The following VPS13C variants were observed in gnomAD, a reference collection of about 807,000 sequenced individuals.
VPS13C encodes intermembrane lipid transfer protein VPS13C.
VPS13C carries 358 observed loss-of-function variants against 456.8 expected under a neutral mutation model. The observed-to-expected ratio is 0.78, with a 90% CI of 0.72 to 0.86. The LOEUF is 0.86. Among genes scored for constraint, VPS13C ranks in the 40% least tolerant of loss-of-function variants. The pLI is 0.00. For synonymous variants in VPS13C, 1,578 were observed against 1,486.7 expected (o/e 1.06, Z -1.41); for missense variants, 4,818 against 4,385.4 (o/e 1.10, Z -2.79).
Position 61,907,368 on chromosome 15 carries a change from A to G in VPS13C, c.9001T>C (p.Leu3001=). ...AAAAGTCGAGCCTGTCTTGGCAGCA[A>G]GACCATTTCTTCTGGTGACCCACTA... ...KQSGSPEEMV[L]LPRQARLFAW... is the part of the protein sequence containing the mutation. The change falls in exon 66 of 85, where the codon TTG becomes CTG. Residue 3001 remains leucine (L), a synonymous_variant. Coordinates refer to ENST00000644861, the MANE Select transcript of VPS13C (RefSeq NM_020821.3). The G allele has an allele frequency of 1.2e-6, 2 of 1,613,992 alleles. No homozygotes were observed. The highest frequency in any genetic ancestry group is 1.7e-6 in the Non-Finnish European group (2 of 1,179,864).
chr15:61,925,019 C>T (rs2043798331), intron 53 of VPS13C, among the ~76,000 whole-genome samples: 1 of 152,116 alleles, frequency 6.6e-6, no homozygotes, highest in African/African-American at 2.4e-5. Flanking sequence ...GTACATCTGT[C>T]ATTATAAATA....
intron 23 of VPS13C, among the ~76,000 whole-genome samples, 169 bp downstream of exon 23, chr15:61,978,457 G>A (rs929050846): frequency 6.6e-6 from 1 of 152,128 alleles, no homozygotes; most frequent in African/African-American, 2.4e-5. Flanking sequence ...ATTTATAAAT[G>A]TTGTAGTAAT....
At chr15:61,997,920 T>A (rs2046445779) in intron 16 of VPS13C, among the ~76,000 whole-genome samples, 1 of 152,210 alleles carries the variant, frequency 6.6e-6, no homozygotes, top group African/African-American at 2.4e-5. Flanking sequence ...TCACCCTGTT[T>A]CAAAACCTAC....
At chr15:62,017,121 C>G (rs956056197) in intron 9 of VPS13C, among the ~76,000 whole-genome samples, 1 of 151,384 alleles carries the variant, frequency 6.6e-6, no homozygotes, top group Non-Finnish European at 1.5e-5. Context: ...CCTTCGCACA[C>G]TTGTTGATGG....
chr15:62,044,022 T>C (rs946861045), intron 2 of VPS13C, among the ~76,000 whole-genome samples, 190 bp downstream of exon 2: 44 of 152,302 alleles, frequency 2.9e-4, no homozygotes, highest in African/African-American at 1.0e-3. Context: ...GAGATACTAT[T>C]TTGATTATTA....
In VPS13C at chr15:61,875,355, C is replaced by T. The variant is rs1316414120; in HGVS notation, c.10338+377G>A. Among the ~76,000 whole-genome samples, 5 of 152,024 alleles carry T rather than the reference C, an allele frequency of 3.3e-5. No individual in the cohort carries two copies. The East Asian group carries it at 9.6e-4, about 29-fold the overall frequency. ...TCTCCGAAAACCCTCATACACTGGG[C>T]TGGCTGCTAGACCCTTTAAATGGAG... On this transcript the variant is annotated intron_variant, in intron 76 of 84. Transcript: ENST00000644861.
chr15:61,951,486 A>AATT, intron 39 of VPS13C, among the ~76,000 whole-genome samples: 1 of 152,280 alleles, frequency 6.6e-6, no homozygotes, highest in Non-Finnish European at 1.5e-5. Flanking sequence ...TGAGGGAAGG[A>AATT]CATGAGACTA....
intron 5 of VPS13C, among the ~76,000 whole-genome samples, chr15:62,030,290 T>C (rs955110658): frequency 2.6e-5 from 4 of 152,186 alleles, no homozygotes; most frequent in African/African-American, 9.7e-5. Context: ...TACATTGATA[T>C]GATTTGGATA....
intron 1 of VPS13C, among the ~76,000 whole-genome samples, chr15:62,058,423 G>A (rs747014623): frequency 6.2e-4 from 94 of 151,880 alleles, no homozygotes; most frequent in South Asian, 2.1e-3. Flanking sequence ...CCATATTCAC[G>A]GACTGAACTA....
chr15:61,936,506 A>T, intron 48 of VPS13C, 91 bp downstream of exon 48: 9 of 1,287,714 alleles, frequency 7.0e-6, no homozygotes, highest in Non-Finnish European at 9.2e-6. Flanking sequence ...AGTTCATACC[A>T]CATTGTGCTG....
In VPS13C at chr15:62,007,398, CT is replaced by C; in HGVS notation, c.1199del (p.Lys400SerfsTer17). ...TATAACTCTTGAGTAACTGCCTGTG[CT>C]TTTTTATGTTACTCCATGACCACAT... ...TQMWSWSNIK[K>X]HRQLLKSYKI... is the part of the protein sequence containing the mutation. On this transcript the variant is annotated frameshift_variant, in exon 15 of 85. Coordinates refer to ENST00000644861, the MANE Select transcript of VPS13C (RefSeq NM_020821.3). LOFTEE classifies it high-confidence loss of function. 6.2e-7 allele frequency: 1 copy of C among 1,612,934 alleles called. No homozygotes were observed. Among genetic ancestry groups the C allele is most frequent in the Non-Finnish European group, 8.5e-7 (1 of 1,179,506 alleles).
At chr15:61,954,226 G>A (rs2044904088) in intron 38 of VPS13C, among the ~76,000 whole-genome samples, 195 bp downstream of exon 38, 1 of 152,094 alleles carries the variant, frequency 6.6e-6, no homozygotes, top group Admixed American at 6.5e-5. Flanking sequence ...ACAACATGCT[G>A]TCATTTTCTC....
At chr15:62,041,588 C>T (rs2048242675) in intron 2 of VPS13C, among the ~76,000 whole-genome samples, 1 of 152,158 alleles carries the variant, frequency 6.6e-6, no homozygotes, top group South Asian at 2.1e-4. Flanking sequence ...GAAGCCGAGG[C>T]GGGTGGATCG....
Position 61,922,666 on chromosome 15 carries a change from C to G in VPS13C, c.6706G>C (p.Glu2236Gln). 1 of 1,613,920 alleles carries G rather than the reference C, an allele frequency of 6.2e-7. No individual in the cohort carries two copies. Among genetic ancestry groups the G allele is most frequent in the Non-Finnish European group, 8.5e-7 (1 of 1,179,928 alleles). Residue 2236 changes from glutamate (E) to glutamine (Q), a missense_variant, in exon 54 of 85, where the codon GAA (glutamate) becomes CAA (glutamine). Physicochemically the swap from Glu to Gln is conservative, Grantham distance 29 (BLOSUM62 2). Around this residue, in one of 3 missense-constraint regions of VPS13C, gnomAD observed 4,552 missense variants for 4,130.6 expected, o/e 1.10. Transcript: ENST00000644861. ...ATCGATTTGATACCCCAAAGATTTT[C>G]CATTTCCTTAGACGTATCTTTGGAT... is the stretch of plus-strand genomic sequence containing the variant. The part of the protein sequence containing the change: ...DGSKDTSKEM[E>Q]NLWGIKSIND...
At chr15:61,918,952 A>T (rs1042285692) in intron 58 of VPS13C, among the ~76,000 whole-genome samples, 1 of 152,094 alleles carries the variant, frequency 6.6e-6, no homozygotes, top group African/African-American at 2.4e-5. Flanking sequence ...AAGAGAATGG[A>T]ATGTTTCCTA....
intron 27 of VPS13C, among the ~76,000 whole-genome samples, chr15:61,969,684 T>A (rs2045488090): frequency 6.6e-6 from 1 of 152,194 alleles, no homozygotes; most frequent in Non-Finnish European, 1.5e-5. Flanking sequence ...CATTGTTTAC[T>A]TTTTCTAATT....
intron 51 of VPS13C, among the ~76,000 whole-genome samples, chr15:61,929,199 T>C (rs984301435): frequency 2.0e-5 from 3 of 152,168 alleles, no homozygotes; most frequent in East Asian, 1.9e-4. Flanking sequence ...TTGAATAAGA[T>C]ACCCCACCTA....
At chr15:61,949,331 A>G (rs1386899253) in intron 42 of VPS13C, 112 bp downstream of exon 42, 2 of 1,257,072 alleles carry the variant, frequency 1.6e-6, no homozygotes, top group Non-Finnish European at 2.2e-6. Flanking sequence ...AAACTAACCT[A>G]TCAGAGCAGC....
At chr15:61,952,418 C>G (rs1224488631) in intron 38 of VPS13C, among the ~76,000 whole-genome samples, 1 of 152,066 alleles carries the variant, frequency 6.6e-6, no homozygotes, top group Non-Finnish European at 1.5e-5. Context: ...AAACTGCTCC[C>G]CTTTAACCCA....
Sources: gnomAD v4.1 joint callset for allele counts (sites outside exome capture counted in the v4.1 genomes callset) on GRCh38, gnomAD v4.1.1 for gene constraint, gnomAD v4.1.1 regional missense constraint, MANE v1.5 for transcripts, NCBI Gene and HGNC (gene_info 2026-07-23, HGNC 2026-07-21) for gene names.